The following HERC1 variants were observed in gnomAD, a reference collection of about 807,000 sequenced individuals.
HERC1 encodes the protein probable E3 ubiquitin-protein ligase HERC1.
A neutral mutation model predicts 554.3 loss-of-function variants in HERC1; 160 were observed. The observed-to-expected ratio is 0.29, with a 90% CI of 0.25 to 0.33. HERC1 has a LOEUF of 0.33. Ranked by LOEUF, HERC1 falls within the 10% of genes least tolerant of loss-of-function variation. The pLI, the probability that HERC1 is intolerant of heterozygous loss-of-function variation, is 1.00. For missense variants in HERC1, 4,919 were observed against 5,918.5 expected (o/e 0.83, Z 5.54); for synonymous variants, 2,175 against 2,131.7 (o/e 1.02, Z -0.56).
In HERC1 at chr15:63,674,602, G is replaced by C; in HGVS notation, c.7586C>G (p.Ala2529Gly). ...LSALLGCSKY[A>G]ELLLIPKVLA... The stretch of plus-strand genomic sequence containing the variant: ...AACTTTTGGTATCAGCAACAGCTCA[G>C]CATATTTACTACAGCCAAGAAGGGC... The change falls in exon 38 of 78, where the codon GCT becomes GGT. Residue 2529 changes from alanine (A) to glycine (G), a missense_variant. Ala to Gly is a moderately conservative substitution (Grantham distance 60). This residue lies in a region of HERC1 where 1,963 missense variants were observed against 2,228.6 expected (regional missense o/e 0.88). Transcript: ENST00000443617. 1 of 1,612,854 alleles carries C rather than the reference G, an allele frequency of 6.2e-7. No individual in the cohort carries two copies.
chr15:63,748,620 A>T (rs2075138989), intron 10 of HERC1, among the ~76,000 whole-genome samples: 1 of 152,192 alleles, frequency 6.6e-6, no homozygotes, highest in African/African-American at 2.4e-5. Context: ...GAAGTTGGAG[A>T]TGTAATGCTA....
At chr15:63,803,801 A>G (rs1335949859) in intron 1 of HERC1, among the ~76,000 whole-genome samples, 1 of 152,232 alleles carries the variant, frequency 6.6e-6, no homozygotes, top group East Asian at 1.9e-4. Context: ...TGGACTGAGA[A>G]TAGCAAAACA....
At chr15:63,705,663 G>C (rs2072964333) in intron 25 of HERC1, among the ~76,000 whole-genome samples, 1 of 151,998 alleles carries the variant, frequency 6.6e-6, no homozygotes, top group Non-Finnish European at 1.5e-5. Flanking sequence ...CAGGCTTTTA[G>C]AAAACTGCCA....
chr15:63,705,991 C>T (rs2153093987), intron 25 of HERC1, among the ~76,000 whole-genome samples: 1 of 136,644 alleles, frequency 7.3e-6, no homozygotes, highest in Non-Finnish European at 1.5e-5. Flanking sequence ...GATGGTGCCA[C>T]TGCACTCCAG....
At chr15:63,792,640 G>A (rs562111689) in intron 1 of HERC1, among the ~76,000 whole-genome samples, 4 of 152,194 alleles carry the variant, frequency 2.6e-5, no homozygotes, top group South Asian at 4.1e-4. Context: ...GATATAGAAC[G>A]AAAGAACTCA....
chr15:63,704,985 A>G (rs899623167), intron 25 of HERC1, among the ~76,000 whole-genome samples: 3 of 151,778 alleles, frequency 2.0e-5, no homozygotes, highest in Admixed American at 2.0e-4. Context: ...TGATCCGCCC[A>G]CCTCAGCCTC....
At chr15:63,693,690 C>T (rs1446311504) in intron 30 of HERC1, among the ~76,000 whole-genome samples, 4 of 152,178 alleles carry the variant, frequency 2.6e-5, no homozygotes, top group Non-Finnish European at 5.9e-5. Flanking sequence ...CATCTAAAAT[C>T]TAGGTCTCAG....
chr15:63,763,608 A>G (rs2075680668), intron 3 of HERC1, among the ~76,000 whole-genome samples: 1 of 151,620 alleles, frequency 6.6e-6, no homozygotes, highest in Non-Finnish European at 1.5e-5. Context: ...GCAAGACTAT[A>G]GTGTCTAAGG....
At chr15:63,824,515 CAG>C (rs1263181220) in intron 1 of HERC1, among the ~76,000 whole-genome samples, 1 of 130,524 alleles carries the variant, frequency 7.7e-6, no homozygotes, top group Non-Finnish European at 1.6e-5. Context: ...GCCTGGGCAA[CAG>C]AGTGAGACTC....
At chr15:63,644,730 C>G (rs1425805893) in intron 57 of HERC1, among the ~76,000 whole-genome samples, 1 of 152,182 alleles carries the variant, frequency 6.6e-6, no homozygotes, top group African/African-American at 2.4e-5. Flanking sequence ...TATGACTCGT[C>G]TATCTGTAGT....
rs1307380316 is a variant in HERC1, at chr15:63,756,759, A to T, written c.1222-11T>A. The T allele has an allele frequency of 6.6e-6, 10 of 1,511,530 alleles. No homozygotes were observed. 93.6% of individuals were successfully genotyped at this position (1,511,530 alleles called of 1,614,324 possible). ...CTGTCCAGCTTCAATCTATAAACAA[A>T]GAATCATAAATATAAAATACTTCTG... On this transcript the variant is annotated splice_polypyrimidine_tract_variant and intron_variant, in intron 4 of 77. Transcript: ENST00000443617. This position sits in a 1 kb window ranked among gnomAD's most constrained non-coding sequence, Gnocchi z 5.0.
In HERC1 at chr15:63,698,770, C is replaced by G. The variant is rs1455423763; in HGVS notation, c.4863G>C (p.Gln1621His). ...GCTGTTCCATTGCAATGATGGAGGC[C>G]TGGGGACTTGTAGACATACTTTCCT... is the stretch of plus-strand genomic sequence containing the variant. The part of the protein sequence containing the change: ...EPEESMSTSP[Q>H]ASIIAMEQQQ... Residue 1621 changes from glutamine to histidine, a missense_variant, in exon 26 of 78, where the codon CAG becomes CAC. By Grantham distance (24) the Gln-to-His change is conservative. Transcript: ENST00000443617. The G allele has an allele frequency of 6.2e-7, 1 of 1,613,712 alleles. No individual in the cohort carries two copies. Among genetic ancestry groups the G allele is most frequent in the Non-Finnish European group, 8.5e-7 (1 of 1,179,832 alleles).
At chr15:63,687,673 G>A (rs1278901485) in intron 33 of HERC1, among the ~76,000 whole-genome samples, 1 of 152,056 alleles carries the variant, frequency 6.6e-6, no homozygotes, top group African/African-American at 2.4e-5. Context: ...TGCTCTCATA[G>A]AACTTTTATT....
chr15:63,665,769 T>C, intron 42 of HERC1, 150 bp downstream of exon 42: 1 of 571,338 alleles, frequency 1.8e-6, no homozygotes. Context: ...TTCACAGAAA[T>C]ATAAACTTGT....
At chr15:63,737,400 G>GATATATATATATATATCTTTTTTCCAGAT (rs1567069465) in intron 12 of HERC1, among the ~76,000 whole-genome samples, 1 of 74,450 alleles carries the variant, frequency 1.3e-5, no homozygotes, top group Non-Finnish European at 3.0e-5. Context: ...CGTTTTTCCA[G>GATATATATATATATATCTTTTTTCCAGAT]ATATATATAT....
chr15:63,622,844 G>C lies in HERC1; in HGVS notation c.13659C>G (p.Ala4553=). 1 of 1,607,650 alleles carries C rather than the reference G, an allele frequency of 6.2e-7. No individual in the cohort carries two copies. The highest frequency in any genetic ancestry group is 1.7e-5 in the Admixed American group (1 of 58,960). ...CCCTATTGTAACCCACTTCTGCGGT[G>C]GCATTGGGAGAGGGTATAAGAAGGT... ...IVDLLIPSPN[A]TAEVGYNRDR... Residue 4553 remains alanine (A), a synonymous_variant, in exon 74 of 78, where the codon GCC becomes GCG. Transcript: ENST00000443617.
Position 63,675,056 on chromosome 15 carries a change from A to G in HERC1, c.7132T>C (p.Leu2378=), listed in dbSNP as rs1051902468. ...PLYNLEPCEP[L]PFDVARFRGL... is the part of the protein sequence containing the mutation. ...CGGAATCGCGCCACATCAAACGGCA[A>G]TGGTTCACAGGGTTCCAGATTATAC... is the stretch of plus-strand genomic sequence containing the variant. The change falls in exon 38 of 78, where the codon TTG becomes CTG. Residue 2378 remains leucine (L), a synonymous_variant. Coordinates refer to ENST00000443617, the MANE Select transcript of HERC1 (RefSeq NM_003922.4). 5.0e-6 allele frequency: 8 copies of G among 1,614,028 alleles called. No homozygotes were observed. In the Middle Eastern group the frequency reaches 4.9e-4, roughly 100 times the overall value.
At chr15:63,614,107 G>T (rs1319242716) in intron 76 of HERC1, among the ~76,000 whole-genome samples, 2 of 152,126 alleles carry the variant, frequency 1.3e-5, no homozygotes, top group South Asian at 2.1e-4. Flanking sequence ...AGGAACCAAA[G>T]ACCAATTCAT....
At chr15:63,813,305 G>C (rs1053833557) in intron 1 of HERC1, among the ~76,000 whole-genome samples, 8 of 122,988 alleles carry the variant, frequency 6.5e-5, no homozygotes, top group African/African-American at 1.9e-4. Context: ...CTGATAATCA[G>C]AGATGGACAC....
Sources: allele counts gnomAD v4.1 joint callset (sites outside exome capture counted in the v4.1 genomes callset), GRCh38; gene constraint gnomAD v4.1.1; regional missense constraint gnomAD v4.1.1; non-coding constraint Gnocchi (gnomAD v3.1); transcripts MANE v1.5; gene names NCBI Gene and HGNC (gene_info 2026-07-23, HGNC 2026-07-21).